Variants in NEGR1 observed in about 807,000 individuals in gnomAD.
The protein encoded by NEGR1 is IgLON family member 4.
Under a neutral mutation model 40.9 loss-of-function variants are expected in NEGR1, and 10 were observed. The ratio of observed to expected loss-of-function variants is 0.24; its 90% CI spans 0.15 to 0.42. The LOEUF is 0.42. NEGR1 is among the 10% of genes least tolerant of loss of function. NEGR1 has a pLI of 1.00. For synonymous variants in NEGR1, 185 were observed against 166.8 expected (o/e 1.11, Z -0.84); for missense variants, 352 against 438.9 (o/e 0.80, Z 1.77).
chr1:71,862,521 A>T (rs149615666), intron 2 of NEGR1, among the ~76,000 whole-genome samples: 13 of 152,210 alleles, frequency 8.5e-5, no homozygotes, highest in Middle Eastern at 3.4e-3. Context: ...ATTGCCTATA[A>T]GTTCCTTTGC....
intron 1 of NEGR1, among the ~76,000 whole-genome samples, chr1:72,202,827 T>C (rs1653263388): frequency 6.6e-6 from 1 of 152,032 alleles, no homozygotes; most frequent in Non-Finnish European, 1.5e-5. Context: ...CATTTATCAT[T>C]CTGAAAATTT....
intron 1 of NEGR1, among the ~76,000 whole-genome samples, chr1:72,044,907 A>G (rs1646987709): frequency 6.6e-6 from 1 of 151,860 alleles, no homozygotes; most frequent in Non-Finnish European, 1.5e-5. Context: ...GCATTACTTC[A>G]TAATAATACA....
intron 4 of NEGR1, among the ~76,000 whole-genome samples, chr1:71,647,891 C>T (rs1330495781): frequency 1.3e-5 from 2 of 151,914 alleles, no homozygotes; most frequent in Non-Finnish European, 2.9e-5. Flanking sequence ...GGCCACACCA[C>T]TGACATATTT....
intron 1 of NEGR1, among the ~76,000 whole-genome samples, chr1:72,011,931 G>T (rs1010085709): frequency 6.6e-6 from 1 of 152,054 alleles, no homozygotes; most frequent in Non-Finnish European, 1.5e-5. Context: ...TGAAGGTGGA[G>T]ATGGAGAGTG....
chr1:71,401,824 C>A lies in NEGR1; in HGVS notation c.*5622G>T, dbSNP rs1446529920. On this transcript the variant is annotated 3_prime_UTR_variant, in exon 7 of 7. Coordinates refer to ENST00000357731, the MANE Select transcript of NEGR1 (RefSeq NM_173808.3). The stretch of plus-strand genomic sequence containing the variant: ...CATGCGATTATGACAAGATTCTCCA[C>A]TTGGTGTGACCAGTCTCATACAACC... 1 of 152,180 alleles carries A rather than the reference C, an allele frequency of 6.6e-6. No individual in the cohort carries two copies. The highest frequency in any genetic ancestry group is 1.5e-5 in the Non-Finnish European group (1 of 68,032). The allele number at this position is 152,180 out of a possible 1,614,324, so 9.4% of individuals were successfully genotyped here. A position where few individuals can be genotyped will look rare whatever the true frequency, so the allele number is the denominator to read the frequency against.
At chr1:71,993,215 A>C (rs892678472) in intron 1 of NEGR1, among the ~76,000 whole-genome samples, 1 of 152,240 alleles carries the variant, frequency 6.6e-6, no homozygotes, top group African/African-American at 2.4e-5. Flanking sequence ...AAGTCAAGTT[A>C]TAAAATTTCA....
intron 4 of NEGR1, among the ~76,000 whole-genome samples, chr1:71,617,604 G>A (rs755074813): frequency 4.6e-5 from 7 of 152,108 alleles, no homozygotes; most frequent in Non-Finnish European, 7.4e-5. Context: ...TTCACTATTC[G>A]GGTCAAATAG....
chr1:72,128,816 T>C (rs1253255279), intron 1 of NEGR1, among the ~76,000 whole-genome samples: 2 of 152,096 alleles, frequency 1.3e-5, no homozygotes, highest in Admixed American at 1.3e-4. Context: ...CTCAATTAGA[T>C]TAACATTTAA....
Position 71,817,821 on chromosome 1 carries a change from T to C in NEGR1, c.410-41524A>G, listed in dbSNP as rs77060935. Among the ~76,000 whole-genome samples, 38 of 152,196 alleles carry C rather than the reference T, an allele frequency of 2.5e-4. No homozygotes were observed. In the East Asian group the frequency reaches 7.2e-3, roughly 29 times the overall value. ...TTGGGTGGCTATGGCTAAGCACTGC[T>C]GGTGTTCTACAGTCATGTTGCCAAG... On this transcript the variant is annotated intron_variant, in intron 2 of 6. Transcript: ENST00000357731.
At chr1:71,667,545 A>T (rs187731463) in intron 4 of NEGR1, among the ~76,000 whole-genome samples, 2 of 152,168 alleles carry the variant, frequency 1.3e-5, no homozygotes, top group African/African-American at 4.8e-5. Flanking sequence ...ACAGCTGTGT[A>T]AATGGGGGAA....
intron 6 of NEGR1, among the ~76,000 whole-genome samples, chr1:71,577,766 C>G (rs1211312049): frequency 6.6e-6 from 1 of 152,166 alleles, no homozygotes; most frequent in African/African-American, 2.4e-5. Flanking sequence ...AATAACCTAA[C>G]ATAATATTTT....
intron 2 of NEGR1, among the ~76,000 whole-genome samples, chr1:71,882,607 CTG>C (rs1173850794): frequency 6.6e-6 from 1 of 151,728 alleles, no homozygotes; most frequent in Non-Finnish European, 1.5e-5. Context: ...TAAACAGACA[CTG>C]TGAAATTTAA....
intron 1 of NEGR1, among the ~76,000 whole-genome samples, chr1:72,001,264 C>A (rs1646555686): frequency 6.6e-6 from 1 of 151,982 alleles, no homozygotes; most frequent in Non-Finnish European, 1.5e-5. Context: ...CCTTATTAAA[C>A]TTCTGCTCTA....
chr1:72,216,762 G>C (rs1401293527), intron 1 of NEGR1, among the ~76,000 whole-genome samples: 2 of 151,100 alleles, frequency 1.3e-5, no homozygotes. Context: ...TTAAATGAAA[G>C]GTAATACATT....
chr1:71,455,219 G>A (rs1391580683), intron 6 of NEGR1, among the ~76,000 whole-genome samples: 1 of 152,072 alleles, frequency 6.6e-6, no homozygotes, highest in Admixed American at 6.6e-5. Flanking sequence ...AATACCAATA[G>A]TGCTGAGATT....
intron 2 of NEGR1, among the ~76,000 whole-genome samples, chr1:71,895,225 T>C (rs1660936641): frequency 6.6e-6 from 1 of 152,308 alleles, no homozygotes; most frequent in East Asian, 1.9e-4. Flanking sequence ...CCTTAGTGAG[T>C]GCTTACTATT....
At chr1:71,971,214 G>A (rs545056122) in intron 1 of NEGR1, among the ~76,000 whole-genome samples, 3 of 152,330 alleles carry the variant, frequency 2.0e-5, no homozygotes, top group East Asian at 1.9e-4. Context: ...CAGTGTTAGC[G>A]TGGTGCTGTC....
chr1:71,789,940 A>C (rs2101733874), intron 2 of NEGR1, among the ~76,000 whole-genome samples: 1 of 152,182 alleles, frequency 6.6e-6, no homozygotes, highest in South Asian at 2.1e-4. Context: ...CCTTTTATTC[A>C]CGGCTACTAC....
At chr1:71,617,560 C>T (rs484724) in intron 4 of NEGR1, among the ~76,000 whole-genome samples, 3,620 of 152,262 alleles carry the variant, frequency 0.024, 137 homozygotes, top group African/African-American at 0.081. Context: ...TATGCATGGA[C>T]GGAGTTGCTG....
Sources: allele counts gnomAD v4.1 joint callset (sites outside exome capture counted in the v4.1 genomes callset), GRCh38; gene constraint gnomAD v4.1.1; transcripts MANE v1.5; gene names NCBI Gene and HGNC (gene_info 2026-07-23, HGNC 2026-07-21).